Variants in CHSY3 observed in about 807,000 individuals in gnomAD.
CHSY3 encodes the protein N-acetylgalactosaminyl-proteoglycan 3-beta-glucuronosyltransferase 3.
CHSY3 carries 35 observed loss-of-function variants against 67.2 expected under a neutral mutation model. The ratio of observed to expected loss-of-function variants is 0.52; its 90% CI spans 0.40 to 0.69. The LOEUF (loss-of-function observed/expected upper bound fraction) is 0.69. Among genes scored for constraint, CHSY3 ranks in the 30% least tolerant of loss-of-function variants. CHSY3 has a pLI of 0.00. For synonymous variants in CHSY3, 474 were observed against 434.7 expected, an observed-to-expected ratio of 1.09 and a Z score of -1.12; for missense variants, 1,069 against 1,138.5, an observed-to-expected ratio of 0.94 and a Z score of 0.88.
At chr5:130,010,854 C>A (rs968343997) in intron 2 of CHSY3, among the ~76,000 whole-genome samples, 3 of 152,014 alleles carry the variant, frequency 2.0e-5, no homozygotes, top group African/African-American at 7.2e-5. Context: ...CAACTCTAAG[C>A]ACACATAGTA....
In CHSY3 at chr5:129,904,783, G is replaced by A; in HGVS notation, c.-47G>A. The A allele has an allele frequency of 1.5e-6, 2 of 1,311,776 alleles. No individual in the cohort carries two copies. Among genetic ancestry groups the A allele is most frequent in the Non-Finnish European group, 1.9e-6 (2 of 1,031,430 alleles). The allele number at this position is 1,311,776 out of a possible 1,614,324, so 81.3% of individuals were successfully genotyped here. A position where few individuals can be genotyped will look rare whatever the true frequency, so the allele number is the denominator to read the frequency against. On this transcript the variant is annotated 5_prime_UTR_variant, in exon 1 of 3. Coordinates refer to ENST00000305031, the MANE Select transcript of CHSY3 (RefSeq NM_175856.5). The stretch of plus-strand genomic sequence containing the variant: ...CGGGTGTGAGCCGGGGAAACCGCGT[G>A]CCGCGCCGCGACAGCCCAGCGAGCG...
In CHSY3 at chr5:130,185,181, A is replaced by G; in HGVS notation, c.2039A>G (p.Lys680Arg). The change falls in exon 3 of 3, where the codon AAG (lysine) becomes AGG (arginine). Residue 680 changes from lysine (K) to arginine (R), a missense_variant. Physicochemically the swap from Lys to Arg is conservative, Grantham distance 26. This residue lies in a region of CHSY3 where 401 missense variants were observed against 395.2 expected (regional missense o/e 1.01). Transcript: ENST00000305031. ...GAGCTGATAAAAGGGTACCAGAACA[A>G]GTACCCCAAAGCAGAAATGACCCTG... is the stretch of plus-strand genomic sequence containing the variant. ...HIELIKGYQN[K>R]YPKAEMTLIP... The G allele has an allele frequency of 6.2e-7, 1 of 1,609,302 alleles. No individual in the cohort carries two copies. Among genetic ancestry groups the G allele is most frequent in the African/African-American group, 1.3e-5 (1 of 74,956 alleles).
intron 2 of CHSY3, among the ~76,000 whole-genome samples, chr5:130,022,856 G>A (rs4263531): frequency 0.52 from 79,026 of 151,592 alleles, 21,255 homozygotes; most frequent in East Asian, 0.67. Context: ...TTGCTTTTGT[G>A]TGTTCAGTTT....
chr5:129,956,673 C>G (rs1762184232), intron 2 of CHSY3, among the ~76,000 whole-genome samples: 1 of 151,968 alleles, frequency 6.6e-6, no homozygotes, highest in Non-Finnish European at 1.5e-5. Context: ...TTTTAGTCTT[C>G]TGCATATGGC....
At chr5:130,178,779 G>T (rs1440001492) in intron 2 of CHSY3, among the ~76,000 whole-genome samples, 1 of 152,160 alleles carries the variant, frequency 6.6e-6, no homozygotes, top group African/African-American at 2.4e-5. Context: ...TAAATTCAGA[G>T]ATGATGGAAA....
chr5:130,011,727 G>C (rs1764067786), intron 2 of CHSY3, among the ~76,000 whole-genome samples: 1 of 152,152 alleles, frequency 6.6e-6, no homozygotes, highest in South Asian at 2.1e-4. Context: ...CATGGTCTCT[G>C]CCCAAAGGCT....
Position 130,143,756 on chromosome 5 carries a change from A to ATATATATATATG in CHSY3, c.1087-40472_1087-40471insATATATATATGT, listed in dbSNP as rs1433405052. 3.1e-4 allele frequency among the ~76,000 whole-genome samples: 32 copies of ATATATATATATG among 101,914 alleles called. 1 individual carries two copies. The highest frequency in any genetic ancestry group is 4.8e-4 in the African/African-American group (10 of 20,978). The allele number at this position is 101,914 out of a possible 152,430, so 66.9% of individuals were successfully genotyped here. A position where few individuals can be genotyped will look rare whatever the true frequency, so the allele number is the denominator to read the frequency against. ...TGTGTATATATATATATATATATAT[A>ATATATATATATG]TGTGTGTGTGTGTATATATATATAT... is the stretch of plus-strand genomic sequence containing the variant. On this transcript the variant is annotated intron_variant, in intron 2 of 2. Transcript: ENST00000305031.
intron 2 of CHSY3, among the ~76,000 whole-genome samples, chr5:129,943,458 G>T (rs994290319): frequency 6.6e-6 from 1 of 152,096 alleles, no homozygotes; most frequent in East Asian, 1.9e-4. Context: ...TGCCATGCTG[G>T]CATTTAATTT....
chr5:129,947,382 G>T (rs1266932847), intron 2 of CHSY3, among the ~76,000 whole-genome samples: 1 of 152,086 alleles, frequency 6.6e-6, no homozygotes, highest in Non-Finnish European at 1.5e-5. Context: ...CCAGCACTTT[G>T]GGAGGCTGGG....
At chr5:129,982,554 G>A (rs925186614) in intron 2 of CHSY3, among the ~76,000 whole-genome samples, 41 of 151,882 alleles carry the variant, frequency 2.7e-4, no homozygotes, top group African/African-American at 7.2e-4. Flanking sequence ...TCTTTTGTAC[G>A]ATTCAGAACT....
At chr5:129,933,169 A>G (rs1761373708) in intron 2 of CHSY3, among the ~76,000 whole-genome samples, 1 of 152,184 alleles carries the variant, frequency 6.6e-6, no homozygotes, top group Admixed American at 6.6e-5. Context: ...GAGCCATCAA[A>G]CAAAGGTTAG....
chr5:129,986,955 A>G (rs1763223151), intron 2 of CHSY3, among the ~76,000 whole-genome samples: 1 of 152,174 alleles, frequency 6.6e-6, no homozygotes, highest in Admixed American at 6.6e-5. Flanking sequence ...AAGTTTTCTT[A>G]TTAATGACTT....
intron 2 of CHSY3, among the ~76,000 whole-genome samples, chr5:130,029,993 C>T (rs1173195183): frequency 6.6e-6 from 1 of 152,266 alleles, no homozygotes; most frequent in Non-Finnish European, 1.5e-5. Flanking sequence ...AAAGTTACTA[C>T]AGACACAAAT....
intron 2 of CHSY3, among the ~76,000 whole-genome samples, chr5:130,126,222 TGG>T (rs1308947466): frequency 6.6e-6 from 1 of 151,930 alleles, no homozygotes; most frequent in Non-Finnish European, 1.5e-5. Flanking sequence ...TCCTGCCGAA[TGG>T]CCTCTGATGG....
At chr5:130,121,320 G>A (rs1768015974) in intron 2 of CHSY3, among the ~76,000 whole-genome samples, 1 of 152,084 alleles carries the variant, frequency 6.6e-6, no homozygotes, top group South Asian at 2.1e-4. Flanking sequence ...TGAGAAAGAA[G>A]GATAAAGCTG....
chr5:130,082,491 G>A (rs980748437), intron 2 of CHSY3, among the ~76,000 whole-genome samples: 8 of 151,920 alleles, frequency 5.3e-5, no homozygotes, highest in African/African-American at 1.9e-4. Context: ...TTCTTTTAAT[G>A]ATTTCTCTTA....
chr5:130,011,277 G>T (rs1008004882), intron 2 of CHSY3, among the ~76,000 whole-genome samples: 2 of 152,082 alleles, frequency 1.3e-5, no homozygotes, highest in African/African-American at 4.8e-5. Context: ...AATCTACCAT[G>T]ATCAGGTAGG....
intron 2 of CHSY3, among the ~76,000 whole-genome samples, chr5:130,091,639 C>T (rs928272422): frequency 2.6e-5 from 4 of 152,110 alleles, no homozygotes; most frequent in Admixed American, 6.6e-5. Flanking sequence ...GATAATTACA[C>T]TTCATAAAGT....
intron 2 of CHSY3, among the ~76,000 whole-genome samples, chr5:130,151,390 C>A (rs961070976): frequency 6.6e-6 from 1 of 152,148 alleles, no homozygotes; most frequent in Non-Finnish European, 1.5e-5. Flanking sequence ...ATCCAATGAA[C>A]AGCATGAACT....
Sources: allele counts gnomAD v4.1 joint callset (sites outside exome capture counted in the v4.1 genomes callset), GRCh38; gene constraint gnomAD v4.1.1; regional missense constraint gnomAD v4.1.1; transcripts MANE v1.5; gene names NCBI Gene and HGNC (gene_info 2026-07-23, HGNC 2026-07-21).